The following UBE2E1 variants were observed in gnomAD, a reference collection of about 807,000 sequenced individuals.
The protein encoded by UBE2E1 is ubiquitin-conjugating enzyme E2 E1.
Under a neutral mutation model 21.4 loss-of-function variants are expected in UBE2E1, and 6 were observed. The observed-to-expected ratio is 0.28, with a 90% CI of 0.15 to 0.55. UBE2E1 has a LOEUF of 0.55. Ranked by LOEUF, UBE2E1 falls within the 20% of genes least tolerant of loss-of-function variation. The probability of loss-of-function intolerance (pLI) is 0.93; values close to 1 mark genes in which losing one functional copy is unlikely to be tolerated. For missense variants in UBE2E1, 142 were observed against 236.5 expected, an observed-to-expected ratio of 0.60 and a Z score of 2.62; for synonymous variants, 87 against 82.7, an observed-to-expected ratio of 1.05 and a Z score of -0.28.
intron 3 of UBE2E1, among the ~76,000 whole-genome samples, chr3:23,822,782 A>G (rs1699671142): frequency 6.6e-6 from 1 of 152,226 alleles, no homozygotes; most frequent in Non-Finnish European, 1.5e-5. Flanking sequence ...TACTTTTAAC[A>G]CAGCATAAGT....
chr3:23,869,157 CAG>C (rs374274793), intron 3 of UBE2E1, among the ~76,000 whole-genome samples: 2 of 152,008 alleles, frequency 1.3e-5, no homozygotes, highest in African/African-American at 2.4e-5. Flanking sequence ...GTAAAAGTAC[CAG>C]AGTGTTTAAC....
Position 23,870,618 on chromosome 3 carries a change from T to A in UBE2E1, c.204-16949T>A, listed in dbSNP as rs1462330777. Reference sequence around the variant, plus strand: ...TCAGGAGTTCAAGTGGCTTCTCTTATTTCCAAAACTATAAAACTGTTCACT... The same window carrying A: ...TCAGGAGTTCAAGTGGCTTCTCTTAATTCCAAAACTATAAAACTGTTCACT... On this transcript the variant is annotated intron_variant, in intron 3 of 5. Transcript: ENST00000306627. This position sits in a 1 kb window ranked among gnomAD's most constrained non-coding sequence, Gnocchi z 4.2. Among the ~76,000 whole-genome samples, 2 of 152,234 alleles carry A rather than the reference T, an allele frequency of 1.3e-5. No individual in the cohort carries two copies. Among genetic ancestry groups the A allele is most frequent in the Non-Finnish European group, 1.5e-5 (1 of 68,040 alleles).
At chr3:23,879,715 T>G (rs7610935) in intron 3 of UBE2E1, among the ~76,000 whole-genome samples, 31,602 of 152,154 alleles carry the variant, frequency 0.21, 5,039 homozygotes, top group African/African-American at 0.44. Context: ...GCTGTGTGCC[T>G]GGCTGCTCTA....
chr3:23,875,286 A>AG (rs764854720), intron 3 of UBE2E1, among the ~76,000 whole-genome samples: 17 of 152,230 alleles, frequency 1.1e-4, no homozygotes, highest in Admixed American at 3.3e-4. Context: ...AATCCCAAAC[A>AG]GTAGTACATA....
intron 3 of UBE2E1, among the ~76,000 whole-genome samples, chr3:23,865,047 C>T (rs919112765): frequency 6.6e-6 from 1 of 152,170 alleles, no homozygotes; most frequent in African/African-American, 2.4e-5. Context: ...TTTAGCAGCC[C>T]AAAACAATAC....
chr3:23,823,199 C>T lies in UBE2E1; in HGVS notation c.203+11689C>T, dbSNP rs1341843129. ...ATGTTAATGCTTTACATTGGATATA[C>T]TTAGAACTCTTAAAGCAATCATATA... On this transcript the variant is annotated intron_variant, in intron 3 of 5. Transcript: ENST00000306627. The surrounding 1 kb of genome is among the most constrained non-coding windows in gnomAD (Gnocchi z 4.2). 6.6e-6 allele frequency among the ~76,000 whole-genome samples: 1 copy of T among 152,148 alleles called. No individual in the cohort carries two copies. The highest frequency in any genetic ancestry group is 1.9e-4 in the East Asian group (1 of 5,188).
Position 23,816,260 on chromosome 3 carries a change from A to G in UBE2E1, c.203+4750A>G, listed in dbSNP as rs1352635290. Among the ~76,000 whole-genome samples, 1 of 152,238 alleles carries G rather than the reference A, an allele frequency of 6.6e-6. No homozygotes were observed. Among genetic ancestry groups the G allele is most frequent in the South Asian group, 2.1e-4 (1 of 4,838 alleles). On this transcript the variant is annotated intron_variant, in intron 3 of 5. Transcript: ENST00000306627. The surrounding 1 kb of genome is among the most constrained non-coding windows in gnomAD (Gnocchi z 4.8). ...TAACCTGTATGTCAGTATTCATAGC[A>G]TTATTCATAGTAGCCAAAAAGTGGA...
chr3:23,846,564 C>T lies in UBE2E1; in HGVS notation c.203+35054C>T, dbSNP rs974919313. On this transcript the variant is annotated intron_variant, in intron 3 of 5. Coordinates refer to ENST00000306627, the MANE Select transcript of UBE2E1 (RefSeq NM_003341.5). ...TACAAAATTTATCCGGGTATGGTGG[C>T]ACATGCCTGTGGTCCCAGCTACTCG... Among the ~76,000 whole-genome samples the T allele has an allele frequency of 6.6e-5, 10 of 152,040 alleles. No individual in the cohort carries two copies. In the East Asian group the frequency reaches 7.7e-4, roughly 12 times the overall value.
intron 3 of UBE2E1, among the ~76,000 whole-genome samples, chr3:23,829,758 T>C (rs990907919): frequency 8.5e-5 from 13 of 152,284 alleles, no homozygotes; most frequent in Non-Finnish European, 1.6e-4. Flanking sequence ...ACTTTGGTTT[T>C]CCCCTCAGGC....
intron 3 of UBE2E1, among the ~76,000 whole-genome samples, chr3:23,834,702 C>T (rs9870289): frequency 0.01 from 1,571 of 152,068 alleles, 26 homozygotes; most frequent in African/African-American, 0.036. Context: ...GCACTCCTTC[C>T]TGGATGACAG....
At chr3:23,869,162 T>G (rs1371093796) in intron 3 of UBE2E1, among the ~76,000 whole-genome samples, 3 of 152,156 alleles carry the variant, frequency 2.0e-5, no homozygotes, top group African/African-American at 7.2e-5. Context: ...AGTACCAGAG[T>G]GTTTAACTTG....
chr3:23,890,509 C>A lies in UBE2E1; in HGVS notation c.485C>A (p.Ala162Asp). The A allele has an allele frequency of 1.9e-6, 3 of 1,610,186 alleles. No individual in the cohort carries two copies. The highest frequency in any genetic ancestry group is 2.5e-6 in the Non-Finnish European group (3 of 1,178,596). ...AGTAATCTACATTCTTTTCTTCCAGCCGACCCCTTGGTGGGAAGTATTGCC... is the reference window on the plus strand; with the variant it reads ...AGTAATCTACATTCTTTTCTTCCAGACGACCCCTTGGTGGGAAGTATTGCC... ...ICSLLTDCNPADPLVGSIATQ... is the reference protein window; with the variant it reads ...ICSLLTDCNPDDPLVGSIATQ... Residue 162 changes from alanine (A) to aspartate (D), a missense_variant and splice_region_variant, in exon 6 of 6, where the codon GCC becomes GAC. Transcript: ENST00000306627.
At chr3:23,845,167 G>A (rs1700169332) in intron 3 of UBE2E1, among the ~76,000 whole-genome samples, 1 of 152,152 alleles carries the variant, frequency 6.6e-6, no homozygotes, top group East Asian at 1.9e-4. Flanking sequence ...TTTCCTAAGT[G>A]TAGCTTCAAA....
In UBE2E1 at chr3:23,889,279, A is replaced by G; in HGVS notation, c.484+20A>G. The G allele has an allele frequency of 5.6e-6, 9 of 1,613,374 alleles. No individual in the cohort carries two copies. Among genetic ancestry groups the G allele is most frequent in the South Asian group, 1.1e-5 (1 of 91,000 alleles). On this transcript the variant is annotated intron_variant, in intron 5 of 5. Coordinates refer to ENST00000306627, the MANE Select transcript of UBE2E1 (RefSeq NM_003341.5). ...ATCCTGGTAAGGTTCATAATTCTTT[A>G]CCTTGTTTTATTCTTCCTTACCTGA... is the stretch of plus-strand genomic sequence containing the variant.
intron 3 of UBE2E1, among the ~76,000 whole-genome samples, chr3:23,860,879 C>T (rs1013604580): frequency 6.6e-6 from 1 of 152,066 alleles, no homozygotes; most frequent in African/African-American, 2.4e-5. Flanking sequence ...ATTCTTTGAA[C>T]TAAAATGAAG....
At chr3:23,850,463 T>G (rs539263324) in intron 3 of UBE2E1, among the ~76,000 whole-genome samples, 44 of 152,226 alleles carry the variant, frequency 2.9e-4, no homozygotes, top group African/African-American at 9.9e-4. Flanking sequence ...ATTTTTCTTT[T>G]GTTGCATGTG....
intron 3 of UBE2E1, among the ~76,000 whole-genome samples, chr3:23,869,526 T>C (rs1700734912): frequency 6.6e-6 from 1 of 150,628 alleles, no homozygotes; most frequent in African/African-American, 2.4e-5. Flanking sequence ...GAGATGAGAG[T>C]TCAAATACAA....
intron 2 of UBE2E1, among the ~76,000 whole-genome samples, chr3:23,809,645 A>G (rs932991455): frequency 6.6e-6 from 1 of 152,228 alleles, no homozygotes; most frequent in Non-Finnish European, 1.5e-5. Context: ...CTTAGGTATT[A>G]AAGAAACAAC....
intron 3 of UBE2E1, among the ~76,000 whole-genome samples, chr3:23,882,642 G>C (rs879612280): frequency 6.6e-6 from 1 of 152,220 alleles, no homozygotes; most frequent in African/African-American, 2.4e-5. Flanking sequence ...TGGAGGGGAG[G>C]CTCGGGCCTG....
Sources: gnomAD v4.1 joint callset for allele counts (sites outside exome capture counted in the v4.1 genomes callset) on GRCh38, gnomAD v4.1.1 for gene constraint, Gnocchi (gnomAD v3.1) non-coding constraint, MANE v1.5 for transcripts, NCBI Gene and HGNC (gene_info 2026-07-23, HGNC 2026-07-21) for gene names.